ESRRG: variants seen among roughly 807,000 people sequenced by gnomAD.
The protein encoded by ESRRG is estrogen-related receptor gamma.
A neutral mutation model predicts 44.0 loss-of-function variants in ESRRG; 13 were observed. That is an observed-to-expected ratio of 0.30 (90% CI 0.19 to 0.47). ESRRG has a LOEUF of 0.47. Ranked by LOEUF, ESRRG falls within the 20% of genes least tolerant of loss-of-function variation. The pLI, the probability that ESRRG is intolerant of heterozygous loss-of-function variation, is 1.00. For missense variants in ESRRG, 395 were observed against 580.6 expected, an observed-to-expected ratio of 0.68 and a Z score of 3.29; for synonymous variants, 215 against 214.6, an observed-to-expected ratio of 1.00 and a Z score of -0.02.
chr1:217,076,883 C>G (rs1019083267), intron 1 of ESRRG: 6 of 152,094 alleles, frequency 3.9e-5, no homozygotes, highest in Non-Finnish European at 7.3e-5. Context: ...CACACTTTGC[C>G]CAGAATCACA....
At chr1:216,917,103 G>A (rs1235654870) in intron 2 of ESRRG, among the ~76,000 whole-genome samples, 1 of 149,388 alleles carries the variant, frequency 6.7e-6, no homozygotes, top group African/African-American at 2.5e-5. Context: ...CCCTCTTCCT[G>A]TGTCTCTCTA....
chr1:217,098,454 G>A (rs1461569820), intron 1 of ESRRG, among the ~76,000 whole-genome samples: 1 of 152,152 alleles, frequency 6.6e-6, no homozygotes, highest in Non-Finnish European at 1.5e-5. Context: ...AGCTTGCTCA[G>A]GGACAAAGTG....
At chr1:216,568,847 G>A (rs148654547) in intron 3 of ESRRG, among the ~76,000 whole-genome samples, 1 of 152,124 alleles carries the variant, frequency 6.6e-6, no homozygotes, top group Non-Finnish European at 1.5e-5. Flanking sequence ...CTGAGGTTGG[G>A]AGTTTGAGAC....
At chr1:216,938,784 A>G (rs1219079281) in intron 2 of ESRRG, among the ~76,000 whole-genome samples, 3 of 152,226 alleles carry the variant, frequency 2.0e-5, no homozygotes, top group African/African-American at 7.2e-5. Context: ...TAGAGGAGGC[A>G]GTGGCTCTTC....
chr1:216,590,947 A>G (rs1558683861), intron 3 of ESRRG, among the ~76,000 whole-genome samples: 1 of 152,218 alleles, frequency 6.6e-6, no homozygotes, highest in African/African-American at 2.4e-5. Context: ...GTGATGTTCC[A>G]TTTATACAAA....
At chr1:216,879,484 C>CAAAAAAAAAAAAAAAAA (rs755104959) in intron 2 of ESRRG, among the ~76,000 whole-genome samples, 10 of 89,362 alleles carry the variant, frequency 1.1e-4, no homozygotes, top group Non-Finnish European at 1.4e-4. Flanking sequence ...AAAAGGCCAC[C>CAAAAAAAAAAAAAAAAA]AAAAAAAAAA....
At chr1:216,651,859 T>C (rs2069064362) in intron 2 of ESRRG, among the ~76,000 whole-genome samples, 1 of 152,184 alleles carries the variant, frequency 6.6e-6, no homozygotes, top group Admixed American at 6.5e-5. Context: ...AGTACCTACA[T>C]ATTTAAAATG....
intron 3 of ESRRG, among the ~76,000 whole-genome samples, chr1:216,586,610 T>A (rs1369775635): frequency 7.1e-6 from 1 of 140,388 alleles, no homozygotes; most frequent in Non-Finnish European, 1.5e-5. Context: ...TGAGATGGAG[T>A]CTCACTCTGT....
At chr1:217,095,808 G>T (rs1268044161) in intron 1 of ESRRG, among the ~76,000 whole-genome samples, 2 of 152,178 alleles carry the variant, frequency 1.3e-5, no homozygotes, top group Admixed American at 6.5e-5. Flanking sequence ...TGGGGCCCAG[G>T]AGTTTGAAGC....
At chr1:216,662,626 T>TGG (rs367919143) in intron 2 of ESRRG, among the ~76,000 whole-genome samples, 23,908 of 150,878 alleles carry the variant, frequency 0.16, 1,982 homozygotes, top group Middle Eastern at 0.2. Context: ...GCAGGGAGAG[T>TGG]GGGGGGGTTC....
At chr1:217,069,211 C>G (rs907195652) in intron 1 of ESRRG, among the ~76,000 whole-genome samples, 1 of 152,096 alleles carries the variant, frequency 6.6e-6, no homozygotes, top group African/African-American at 2.4e-5. Context: ...GCCTAGCCTC[C>G]CAGTCTACAT....
intron 2 of ESRRG, among the ~76,000 whole-genome samples, chr1:216,739,585 C>T (rs1575980314): frequency 6.6e-6 from 1 of 152,128 alleles, no homozygotes; most frequent in South Asian, 2.1e-4. Context: ...TGTAAATTCT[C>T]GGCCCTGCCA....
intron 2 of ESRRG, among the ~76,000 whole-genome samples, chr1:216,931,301 ACTTT>A (rs917612430): frequency 2.0e-5 from 3 of 152,144 alleles, no homozygotes; most frequent in Non-Finnish European, 2.9e-5. Flanking sequence ...CACCTTCAGA[ACTTT>A]CTTTGTCTTC....
intron 2 of ESRRG, among the ~76,000 whole-genome samples, chr1:216,781,463 G>T (rs1274720766): frequency 2.0e-5 from 3 of 151,950 alleles, no homozygotes; most frequent in Non-Finnish European, 2.9e-5. Context: ...TCCAACAATG[G>T]ATTTACCTGT....
chr1:217,128,660 A>G (rs771289595), intron 1 of ESRRG, among the ~76,000 whole-genome samples: 6 of 152,220 alleles, frequency 3.9e-5, no homozygotes, highest in Non-Finnish European at 8.8e-5. Flanking sequence ...CCTTATCTGA[A>G]TAACTCAGGA....
At chr1:216,978,865 T>C (rs903038163) in intron 1 of ESRRG, among the ~76,000 whole-genome samples, 7 of 152,146 alleles carry the variant, frequency 4.6e-5, no homozygotes, top group African/African-American at 2.4e-5. Context: ...CAGCTTTTTT[T>C]CCCCAGAGAG....
intron 1 of ESRRG, among the ~76,000 whole-genome samples, chr1:217,015,243 A>T (rs2079171556): frequency 6.6e-6 from 1 of 152,076 alleles, no homozygotes; most frequent in South Asian, 2.1e-4. Context: ...GGCTGCATTC[A>T]ATTTCTACCA....
At chr1:216,761,004 C>T (rs563713230) in intron 2 of ESRRG, among the ~76,000 whole-genome samples, 19 of 152,056 alleles carry the variant, frequency 1.2e-4, no homozygotes, top group Admixed American at 8.5e-4. Context: ...TTGTTCATAT[C>T]GGCTCCATCT....
chr1:216,830,713 G>T (rs2095474209), intron 2 of ESRRG, among the ~76,000 whole-genome samples: 1 of 151,850 alleles, frequency 6.6e-6, no homozygotes, highest in African/African-American at 2.4e-5. Context: ...TGTGACAGGA[G>T]GGGAGGCTGG....
Sources: gnomAD v4.1 joint callset for allele counts (sites outside exome capture counted in the v4.1 genomes callset) on GRCh38, gnomAD v4.1.1 for gene constraint, MANE v1.5 for transcripts, NCBI Gene and HGNC (gene_info 2026-07-23, HGNC 2026-07-21) for gene names.